WDHD1: variants seen among roughly 807,000 people sequenced by gnomAD.
The protein encoded by WDHD1 is WD repeat and HMG-box DNA binding protein 1, also known as WD repeat and HMG-box DNA-binding protein 1.
In WDHD1, 111 loss-of-function variants were observed where a neutral mutation model predicts 135.4. The observed-to-expected ratio is 0.82, with a 90% CI of 0.70 to 0.96. The LOEUF is 0.96. Among genes scored for constraint, WDHD1 ranks in the 40% least tolerant of loss-of-function variants. WDHD1 has a pLI of 0.00. For synonymous variants in WDHD1, 434 were observed against 439.0 expected (o/e 0.99, Z 0.14); for missense variants, 1,351 against 1,336.3 (o/e 1.01, Z -0.17).
chr14:55,013,259 A>C (rs2042203330), intron 3 of WDHD1, among the ~76,000 whole-genome samples: 1 of 151,064 alleles, frequency 6.6e-6, no homozygotes. Flanking sequence ...ATTTTAAAAT[A>C]TTATTTCATG....
intron 16 of WDHD1, among the ~76,000 whole-genome samples, chr14:54,969,973 G>T (rs1346934192): frequency 1.3e-5 from 2 of 152,168 alleles, no homozygotes; most frequent in East Asian, 3.8e-4. Context: ...AATAGATGCA[G>T]AAAAAGCTTT....
At chr14:54,975,862 A>G (rs75376959) in intron 16 of WDHD1, among the ~76,000 whole-genome samples, 2,947 of 152,248 alleles carry the variant, frequency 0.019, 105 homozygotes, top group African/African-American at 0.067. Flanking sequence ...ATTTTTCACA[A>G]AATGTACTTT....
intron 16 of WDHD1, among the ~76,000 whole-genome samples, chr14:54,979,741 A>G (rs901109846): frequency 2.6e-5 from 4 of 152,272 alleles, no homozygotes; most frequent in African/African-American, 7.2e-5. Context: ...AAAAATGAAT[A>G]CAGAGAAAAG....
At chr14:54,953,626 A>G (rs986400306) in intron 24 of WDHD1, among the ~76,000 whole-genome samples, 3 of 152,240 alleles carry the variant, frequency 2.0e-5, no homozygotes, top group Non-Finnish European at 4.4e-5. Context: ...TACTGGGTAT[A>G]TACCCAAAGG....
At chr14:54,990,006 C>T (rs905450172) in intron 12 of WDHD1, among the ~76,000 whole-genome samples, 2 of 152,124 alleles carry the variant, frequency 1.3e-5, no homozygotes, top group Non-Finnish European at 2.9e-5. Context: ...TTATCTTCCA[C>T]TGATGTCCAT....
At chr14:55,002,325 G>A (rs1164305926) in intron 7 of WDHD1, 140 bp from the exon 8 acceptor site, 4 of 617,202 alleles carry the variant, frequency 6.5e-6, no homozygotes, top group South Asian at 4.2e-5. Context: ...TTTAAGAGAC[G>A]GTGTCTCACT....
At chr14:54,958,217 C>T (rs1483610245) in intron 21 of WDHD1, among the ~76,000 whole-genome samples, 2 of 149,670 alleles carry the variant, frequency 1.3e-5, no homozygotes, top group African/African-American at 4.9e-5. Flanking sequence ...AAGTCCACCT[C>T]CCAGGTTCAG....
At chr14:54,987,462 G>T (rs1468274452) in intron 13 of WDHD1, 75 bp from the exon 14 acceptor site, 2 of 1,250,214 alleles carry the variant, frequency 1.6e-6, no homozygotes, top group Non-Finnish European at 2.1e-6. Flanking sequence ...AAGCAATCAT[G>T]ATATTCAACA....
At chr14:54,986,998 G>C in intron 14 of WDHD1, 148 bp downstream of exon 14, 1 of 907,624 alleles carries the variant, frequency 1.1e-6, no homozygotes, top group African/African-American at 1.7e-5. Flanking sequence ...ATTGCTGCTA[G>C]TGAACACAAC....
At chr14:54,957,486 G>T in intron 22 of WDHD1, 106 bp downstream of exon 22, 1 of 1,056,978 alleles carries the variant, frequency 9.5e-7, no homozygotes, top group Non-Finnish European at 1.4e-6. Flanking sequence ...ACACAGATCA[G>T]TCTTTCATGC....
intron 11 of WDHD1, 58 bp from the exon 12 acceptor site, chr14:54,991,458 G>C: frequency 6.6e-7 from 1 of 1,524,790 alleles, no homozygotes. Flanking sequence ...TTGGAAAAAG[G>C]AAAGCATTAT....
chr14:54,945,851 T>C (rs2040915126), intron 24 of WDHD1, among the ~76,000 whole-genome samples: 2 of 152,164 alleles, frequency 1.3e-5, no homozygotes, highest in South Asian at 2.1e-4. Flanking sequence ...GAGTCTCTTA[T>C]GTTTAACCCA....
chr14:54,989,023 T>A lies in WDHD1; in HGVS notation c.1526+5A>T. 6.2e-7 allele frequency: 1 copy of A among 1,605,596 alleles called. No individual in the cohort carries two copies. Among genetic ancestry groups the A allele is most frequent in the Non-Finnish European group, 8.5e-7 (1 of 1,174,616 alleles). On this transcript the variant is annotated splice_donor_5th_base_variant and intron_variant, in intron 13 of 25. Transcript: ENST00000360586. ...CCAAATTCTTCCTAATAATCTTGAG[T>A]TTACCTTGCTAGTTCATCAGTGCTT...
intron 2 of WDHD1, among the ~76,000 whole-genome samples, chr14:55,021,073 C>T (rs2042339195): frequency 1.3e-5 from 2 of 152,118 alleles, no homozygotes; most frequent in South Asian, 2.1e-4. Flanking sequence ...GAGAGGCAGG[C>T]ATACTTGGTG....
chr14:54,999,503 G>A (rs1027170568), intron 10 of WDHD1, among the ~76,000 whole-genome samples: 7 of 152,332 alleles, frequency 4.6e-5, no homozygotes, highest in African/African-American at 1.2e-4. Flanking sequence ...GGCAAACTGA[G>A]TAGCACCTCA....
chr14:55,000,508 T>G lies in WDHD1; in HGVS notation c.937A>C (p.Ser313Arg), dbSNP rs1375570569. Residue 313 changes from serine (S) to arginine (R), a missense_variant, in exon 10 of 26, where the codon AGT becomes CGT. Physicochemically the swap from Ser to Arg is moderately radical, Grantham distance 110 (BLOSUM62 -1). This residue lies in a region of WDHD1 where 1,330 missense variants were observed against 1,296.1 expected (regional missense o/e 1.03). Transcript: ENST00000360586. ...VCDPSGKTSS[S>R]KVSSRVEKDY... ...TGTACCATACTCCCTTTTACCTTAC[T>G]GCTTGATGTCTTTCCACTGGGGTCA... is the stretch of plus-strand genomic sequence containing the variant. The G allele has an allele frequency of 5.6e-6, 9 of 1,602,722 alleles. No homozygotes were observed. Among genetic ancestry groups the G allele is most frequent in the Non-Finnish European group, 7.7e-6 (9 of 1,174,522 alleles).
chr14:54,995,687 C>G lies in WDHD1; in HGVS notation c.1069G>C (p.Asp357His), dbSNP rs751659124. 13 of 1,613,816 alleles carry G rather than the reference C, an allele frequency of 8.1e-6. No individual in the cohort carries two copies. Among genetic ancestry groups the G allele is most frequent in the South Asian group, 5.5e-5 (5 of 91,026 alleles). Residue 357 changes from aspartate (D) to histidine (H), a missense_variant, in exon 11 of 26, where the codon GAT (aspartate) becomes CAT (histidine). This residue lies in a region of WDHD1 where 1,330 missense variants were observed against 1,296.1 expected (regional missense o/e 1.03). Coordinates refer to ENST00000360586, the MANE Select transcript of WDHD1 (RefSeq NM_007086.4). ...ATCATGAGGTCTTCATCATCCTCAT[C>G]ATCATTTATAATCCCTTTTGAAAAA... ...PSFSKGIIND[D>H]EDDEDLMMAS...
intron 16 of WDHD1, among the ~76,000 whole-genome samples, chr14:54,970,433 A>G (rs2041412528): frequency 6.6e-6 from 1 of 152,112 alleles, no homozygotes; most frequent in Non-Finnish European, 1.5e-5. Context: ...TACATAAAAT[A>G]CCTAGGAATA....
At chr14:54,969,092 G>A (rs897811090) in intron 16 of WDHD1, among the ~76,000 whole-genome samples, 5 of 152,070 alleles carry the variant, frequency 3.3e-5, no homozygotes, top group African/African-American at 1.2e-4. Context: ...AGGCTGGAGT[G>A]CAGTGGCACG....
Sources: allele counts gnomAD v4.1 joint callset (sites outside exome capture counted in the v4.1 genomes callset), GRCh38; gene constraint gnomAD v4.1.1; regional missense constraint gnomAD v4.1.1; transcripts MANE v1.5; gene names NCBI Gene and HGNC (gene_info 2026-07-23, HGNC 2026-07-21).